Variants in CENPI observed in about 807,000 individuals in gnomAD.
CENPI encodes the protein centromere protein I, also known as FSH primary response 1.
CENPI carries 4 observed loss-of-function variants against 60.4 expected under a neutral mutation model. That is an observed-to-expected ratio of 0.07 (90% CI 0.03 to 0.15). CENPI has a LOEUF of 0.15. CENPI is among the 10% of genes least tolerant of loss of function. The pLI is 1.00. For missense variants in CENPI, 444 were observed against 534.5 expected (o/e 0.83, Z 1.67); for synonymous variants, 157 against 189.4 (o/e 0.83, Z 1.40).
chrX:101,154,769 A>G (rs1408472456), intron 20 of CENPI, among the ~76,000 whole-genome samples: 1 of 111,162 alleles, frequency 9.0e-6, no homozygotes, highest in Non-Finnish European at 1.9e-5. Context: ...TTCAGATCAT[A>G]AATTTTATAC....
At chrX:101,124,494 A>C in intron 8 of CENPI, among the ~76,000 whole-genome samples, 1 of 111,477 alleles carries the variant, frequency 9.0e-6, no homozygotes, top group Non-Finnish European at 1.9e-5. Flanking sequence ...TGTTTCTCCA[A>C]ATATCTGGGC....
intron 12 of CENPI, among the ~76,000 whole-genome samples, chrX:101,129,398 T>C (rs2089771616): frequency 9.1e-6 from 1 of 109,760 alleles, no homozygotes; most frequent in Non-Finnish European, 1.9e-5. Context: ...TGGGGGTCGG[T>C]GGGGAGGGGC....
rs1401114709 is a variant in CENPI, at chrX:101,164,448, C to T, written c.*1481C>T. ...TCTGGTTCAAGCAATTCTCCTGCCT[C>T]AGCCTCACGAATAGCTGGGATTACA... On this transcript the variant is annotated 3_prime_UTR_variant, in exon 22 of 22. Coordinates refer to ENST00000682095, the MANE Select transcript of CENPI (RefSeq NM_001386188.2). Among the ~76,000 whole-genome samples, 1 of 111,513 alleles carries T rather than the reference C, an allele frequency of 9.0e-6. No individual in the cohort carries two copies. The highest frequency in any genetic ancestry group is 9.6e-5 in the Admixed American group (1 of 10,438).
At chrX:101,177,135 G>A in the CENPI span, among the ~76,000 whole-genome samples, 3 of 111,886 alleles carry the variant, frequency 2.7e-5, no homozygotes, top group East Asian at 8.5e-4. Context: ...TTGGGTGCCA[G>A]TAGTGGCAGT....
At chrX:101,104,162 C>T (rs1207282727) in intron 4 of CENPI, among the ~76,000 whole-genome samples, 4 of 111,802 alleles carry the variant, frequency 3.6e-5, no homozygotes, top group Non-Finnish European at 7.5e-5. Flanking sequence ...TTAGTAGAGA[C>T]GGGGTTTCGC....
At chrX:101,110,977 G>A (rs1017885315) in intron 6 of CENPI, among the ~76,000 whole-genome samples, 1 of 111,366 alleles carries the variant, frequency 9.0e-6, no homozygotes, top group Non-Finnish European at 1.9e-5. Context: ...AAAGTTGTGA[G>A]GTGTGTAAAT....
intron 20 of CENPI, among the ~76,000 whole-genome samples, chrX:101,153,877 G>C (rs1160813203): frequency 8.9e-6 from 1 of 111,799 alleles, no homozygotes; most frequent in African/African-American, 3.2e-5. Flanking sequence ...TTTTGTCTGA[G>C]AATTTTATAG....
At chrX:101,180,736 AT>A in the CENPI span, among the ~76,000 whole-genome samples, 2 of 111,199 alleles carry the variant, frequency 1.8e-5, 1 homozygote, top group Admixed American at 1.9e-4. Context: ...TATCTCTTAT[AT>A]TTAGGTATTT....
At chrX:101,135,168 A>G (rs1187828304) in intron 15 of CENPI, among the ~76,000 whole-genome samples, 3 of 111,732 alleles carry the variant, frequency 2.7e-5, no homozygotes, top group African/African-American at 9.7e-5. Flanking sequence ...GGTGTGGTTC[A>G]GTTCAGGTTA....
downstream of CENPI, among the ~76,000 whole-genome samples, chrX:101,167,354 G>A (rs1454496315): frequency 1.8e-5 from 2 of 111,781 alleles, no homozygotes; most frequent in Non-Finnish European, 3.8e-5. Flanking sequence ...TGACACCTAC[G>A]AAACTGAACA....
At position 101,130,017 on chromosome X, in the gene CENPI, G is replaced by A. The variant is rs773487851; in HGVS notation, c.1231G>A (p.Gly411Arg). 1 of 1,203,923 alleles carries A rather than the reference G, an allele frequency of 8.3e-7. No individual in the cohort carries two copies. Among genetic ancestry groups the A allele is most frequent in the South Asian group, 1.8e-5 (1 of 56,689 alleles). ...IWYKVNNYEHGKEFTNFLDTI... is the reference protein window; with the variant it reads ...IWYKVNNYEHRKEFTNFLDTI... Reference sequence around the variant, plus strand: ...GTACAAGGTGAATAATTATGAACATGGAAAAGAATTTACCAACTTCCTGGA... The same window carrying A: ...GTACAAGGTGAATAATTATGAACATAGAAAAGAATTTACCAACTTCCTGGA... Residue 411 changes from glycine (G) to arginine (R), a missense_variant, in exon 13 of 22, where the codon GGA becomes AGA. Coordinates refer to ENST00000682095, the MANE Select transcript of CENPI (RefSeq NM_001386188.2).
At chrX:101,169,381 A>G (rs768053597), downstream of CENPI, among the ~76,000 whole-genome samples, 12 of 112,437 alleles carry the variant, frequency 1.1e-4, no homozygotes, top group Non-Finnish European at 1.7e-4. Context: ...ATGATTGACA[A>G]CATGTATGGT....
At chrX:101,138,387 G>T (rs1265779871) in intron 15 of CENPI, among the ~76,000 whole-genome samples, 3 of 108,311 alleles carry the variant, frequency 2.8e-5, no homozygotes, top group Non-Finnish European at 5.7e-5. Flanking sequence ...CGCCAGGATG[G>T]AGTCCAGTGG....
At chrX:101,156,897 A>T (rs1008464898) in intron 20 of CENPI, among the ~76,000 whole-genome samples, 1 of 111,269 alleles carries the variant, frequency 9.0e-6, no homozygotes, top group African/African-American at 3.3e-5. Context: ...TTACCCACTC[A>T]TTGATTGATG....
rs1602786808 is a variant in CENPI at position 101,120,402 on chromosome X, T to G, written c.592T>G (p.Cys198Gly). 3.3e-6 allele frequency: 3 copies of G among 921,423 alleles called. No individual in the cohort carries two copies. Among genetic ancestry groups the G allele is most frequent in the Non-Finnish European group, 4.7e-6 (3 of 636,332 alleles). 75.9% of individuals were successfully genotyped at this position (921,423 alleles called of 1,213,427 possible). A position where few individuals can be genotyped will look rare whatever the true frequency, so the allele number is the denominator to read the frequency against. ...FFASLQDDALCPYVCHLLYLL... is the reference protein window; with the variant it reads ...FFASLQDDALGPYVCHLLYLL... ...TTAATATTTTTTTATGTTTTAACAG[T>G]GCCCTTATGTTTGCCATTTGTTATA... Residue 198 changes from cysteine (C) to glycine (G), a missense_variant and splice_region_variant, in exon 7 of 22, where the codon TGC becomes GGC. Cys to Gly is a radical substitution (Grantham distance 159). Coordinates refer to ENST00000682095, the MANE Select transcript of CENPI (RefSeq NM_001386188.2).
the CENPI span, among the ~76,000 whole-genome samples, chrX:101,178,380 T>G: frequency 6.9e-5 from 7 of 101,120 alleles, no homozygotes; most frequent in Non-Finnish European, 1.0e-4. Context: ...GATCTATGCT[T>G]CTTCTTCTTT....
chrX:101,158,143 G>A (rs190042101), intron 20 of CENPI, among the ~76,000 whole-genome samples: 3 of 111,277 alleles, frequency 2.7e-5, no homozygotes, highest in Non-Finnish European at 3.8e-5. Context: ...TCATTATTTT[G>A]TATGGTTGAA....
rs2089801850 is a variant in CENPI, at chrX:101,132,220, T to C, written c.1318T>C (p.Tyr440His). The C allele has an allele frequency of 2.5e-6, 3 of 1,207,848 alleles. No individual in the cohort carries two copies. Among genetic ancestry groups the C allele is most frequent in the Middle Eastern group, 3.1e-4 (1 of 3,221 alleles). ...GTTTTATTCCTGTGAAGCATTCCTG[T>C]ATAAGAGCCTTCCTCTCTGGGATGG... is the stretch of plus-strand genomic sequence containing the variant. ...EGFYSCEAFL[Y>H]KSLPLWDGLC... is the part of the protein sequence containing the mutation. The change falls in exon 14 of 22, where the codon TAT (tyrosine) becomes CAT (histidine). Residue 440 changes from tyrosine (Y) to histidine (H), a missense_variant. Transcript: ENST00000682095.
At chrX:101,108,101 G>A (rs2089506509) in intron 4 of CENPI, among the ~76,000 whole-genome samples, 1 of 110,436 alleles carries the variant, frequency 9.1e-6, no homozygotes, top group Non-Finnish European at 1.9e-5. Flanking sequence ...TGGAGACAAA[G>A]TCTCACTCTG....
Sources: allele counts gnomAD v4.1 joint callset (sites outside exome capture counted in the v4.1 genomes callset), GRCh38; gene constraint gnomAD v4.1.1; transcripts MANE v1.5; gene names NCBI Gene and HGNC (gene_info 2026-07-23, HGNC 2026-07-21).